The following GATAD2B variants were observed in gnomAD, a reference collection of about 807,000 sequenced individuals.
The protein encoded by GATAD2B is transcriptional repressor p66-beta.
GATAD2B carries 8 observed loss-of-function variants against 64.3 expected under a neutral mutation model. That is an observed-to-expected ratio of 0.12 (90% CI 0.07 to 0.22). The LOEUF is 0.22. Ranked by LOEUF, GATAD2B falls within the 10% of genes least tolerant of loss-of-function variation. The pLI is 1.00. For missense variants in GATAD2B, 453 were observed against 752.0 expected (o/e 0.60, Z 4.65); for synonymous variants, 281 against 271.3 (o/e 1.04, Z -0.35).
intron 1 of GATAD2B, among the ~76,000 whole-genome samples, chr1:153,867,846 T>C (rs947312947): frequency 3.4e-5 from 5 of 148,848 alleles, no homozygotes; most frequent in African/African-American, 1.2e-4. Context: ...GGCGACAGAG[T>C]GAGACTCCGT....
At chr1:153,813,839 G>A (rs934723069) in intron 7 of GATAD2B, among the ~76,000 whole-genome samples, 1 of 152,200 alleles carries the variant, frequency 6.6e-6, no homozygotes, top group Non-Finnish European at 1.5e-5. Context: ...TTAGGCGGGC[G>A]TGGTGGCACG....
intron 1 of GATAD2B, among the ~76,000 whole-genome samples, chr1:153,913,261 A>T (rs1445176581): frequency 6.6e-6 from 1 of 152,112 alleles, no homozygotes; most frequent in Non-Finnish European, 1.5e-5. Flanking sequence ...ATTTAATTTC[A>T]AGACCTACAT....
At chr1:153,825,020 A>C (rs1446599413) in intron 2 of GATAD2B, among the ~76,000 whole-genome samples, 1 of 152,072 alleles carries the variant, frequency 6.6e-6, no homozygotes, top group Admixed American at 6.5e-5. Context: ...TGGGAGGTGG[A>C]GGTTGCAGTG....
intron 2 of GATAD2B, chr1:153,827,697 G>C (rs1487855792): frequency 6.6e-6 from 2 of 304,014 alleles, no homozygotes; most frequent in Non-Finnish European, 1.2e-5. Flanking sequence ...CTCCTCCTAA[G>C]ACGGCCATGA....
chr1:153,813,600 T>C, intron 7 of GATAD2B, 148 bp from the exon 8 acceptor site: 1 of 631,970 alleles, frequency 1.6e-6, no homozygotes, highest in East Asian at 2.7e-5. Context: ...CAAAATACTT[T>C]TATTTCATCT....
In GATAD2B at chr1:153,818,816, A is replaced by G; in HGVS notation, c.572T>C (p.Leu191Pro). The change falls in exon 4 of 11, where the codon CTA (leucine) becomes CCA (proline). Residue 191 changes from leucine to proline, a missense_variant. Transcript: ENST00000368655. Reference sequence around the variant, plus strand: ...CTTCTGGACCACATTCTCTTTCTGTAGCTGACTCTGTCTCAGTTTCTTTAA... The same window carrying G: ...CTTCTGGACCACATTCTCTTTCTGTGGCTGACTCTGTCTCAGTTTCTTTAA... ...VLLKKLRQSQLQKENVVQKTP... is the reference protein window; with the variant it reads ...VLLKKLRQSQPQKENVVQKTP... The G allele has an allele frequency of 6.2e-7, 1 of 1,613,710 alleles. No homozygotes were observed. Among genetic ancestry groups the G allele is most frequent in the Non-Finnish European group, 8.5e-7 (1 of 1,179,960 alleles).
At chr1:153,845,278 A>C (rs533973143) in intron 1 of GATAD2B, among the ~76,000 whole-genome samples, 2 of 152,128 alleles carry the variant, frequency 1.3e-5, no homozygotes, top group African/African-American at 4.8e-5. Context: ...AAGGGTGCCA[A>C]GACAGTTCAA....
In GATAD2B at chr1:153,816,783, T is replaced by C. The variant is rs1674495425; in HGVS notation, c.901-195A>G. ...GAATGATGATGACCATGAGCTAACA[T>C]TGCTAAGAGAGAAATAAAGGCCACG... is the stretch of plus-strand genomic sequence containing the variant. On this transcript the variant is annotated intron_variant, in intron 6 of 10. Transcript: ENST00000368655. The surrounding 1 kb of genome is among the most constrained non-coding windows in gnomAD (Gnocchi z 4.9). 1.3e-5 allele frequency among the ~76,000 whole-genome samples: 2 copies of C among 152,126 alleles called. No homozygotes were observed.
At chr1:153,862,072 TTACA>T (rs1676315556) in intron 1 of GATAD2B, among the ~76,000 whole-genome samples, 1 of 149,742 alleles carries the variant, frequency 6.7e-6, no homozygotes, top group Non-Finnish European at 1.5e-5. Flanking sequence ...AGAATATAAC[TTACA>T]TTAGTTTTTC....
rs550613836 is a variant in GATAD2B, at chr1:153,887,189, G to A, written c.-2+35544C>T. Among the ~76,000 whole-genome samples, 10 of 152,226 alleles carry A rather than the reference G, an allele frequency of 6.6e-5. No individual in the cohort carries two copies. The South Asian group carries it at 2.1e-3, about 32-fold the overall frequency. ...GGTCAAAAGAAAACATCAGTTCTTT[G>A]GAGATGAGGATTCCTCTCCACATGT... On this transcript the variant is annotated intron_variant, in intron 1 of 10. Coordinates refer to ENST00000368655, the MANE Select transcript of GATAD2B (RefSeq NM_020699.4).
At chr1:153,862,896 G>C (rs941166911) in intron 1 of GATAD2B, among the ~76,000 whole-genome samples, 3 of 151,406 alleles carry the variant, frequency 2.0e-5, no homozygotes, top group Admixed American at 2.0e-4. Context: ...GGCTAATTTT[G>C]TATTTTTAGT....
At chr1:153,899,225 T>G (rs202163282) in intron 1 of GATAD2B, among the ~76,000 whole-genome samples, 1 of 152,136 alleles carries the variant, frequency 6.6e-6, no homozygotes, top group East Asian at 1.9e-4. Context: ...GCCACTGCAT[T>G]CCAGCCTGGG....
intron 1 of GATAD2B, chr1:153,852,438 G>GTGGTC: frequency 1.3e-6 from 1 of 763,254 alleles, no homozygotes; most frequent in Non-Finnish European, 2.4e-6. Flanking sequence ...GCCGTGGCAT[G>GTGGTC]TGGTCTGGAG....
At chr1:153,908,513 G>A (rs1409815776) in intron 1 of GATAD2B, among the ~76,000 whole-genome samples, 5 of 150,468 alleles carry the variant, frequency 3.3e-5, no homozygotes, top group East Asian at 2.0e-4. Flanking sequence ...AGTTTCGCTC[G>A]TTGCCCAGGC....
intron 1 of GATAD2B, among the ~76,000 whole-genome samples, chr1:153,922,484 G>T (rs1291710336): frequency 6.7e-6 from 1 of 149,580 alleles, no homozygotes; most frequent in African/African-American, 2.5e-5. Context: ...CGCGCCAAGG[G>T]GGGAGAGGAT....
chr1:153,886,948 A>G (rs913073825), intron 1 of GATAD2B, among the ~76,000 whole-genome samples: 3 of 152,104 alleles, frequency 2.0e-5, no homozygotes, highest in Admixed American at 1.3e-4. Context: ...CTGGTGTCCA[A>G]TAATACAAGC....
At chr1:153,813,803 C>A (rs910790735) in intron 7 of GATAD2B, among the ~76,000 whole-genome samples, 5 of 152,130 alleles carry the variant, frequency 3.3e-5, no homozygotes, top group Admixed American at 2.6e-4. Context: ...TAGTGAAAAC[C>A]CGTCTTTACT....
At chr1:153,823,888 C>T (rs927894915) in intron 2 of GATAD2B, among the ~76,000 whole-genome samples, 8 of 151,952 alleles carry the variant, frequency 5.3e-5, no homozygotes, top group African/African-American at 7.2e-5. Flanking sequence ...CGCCACCACG[C>T]CTGGCTAATT....
chr1:153,837,453 AAC>A (rs1478228664), intron 1 of GATAD2B, among the ~76,000 whole-genome samples: 1 of 151,858 alleles, frequency 6.6e-6, no homozygotes, highest in Non-Finnish European at 1.5e-5. Context: ...GTTTAATGGG[AAC>A]AGAGTCTCTG....
Sources: gnomAD v4.1 joint callset for allele counts (sites outside exome capture counted in the v4.1 genomes callset) on GRCh38, gnomAD v4.1.1 for gene constraint, Gnocchi (gnomAD v3.1) non-coding constraint, MANE v1.5 for transcripts, NCBI Gene and HGNC (gene_info 2026-07-23, HGNC 2026-07-21) for gene names.